KCNT2: variants seen among roughly 807,000 people sequenced by gnomAD.
KCNT2 encodes potassium sodium-activated channel subfamily T member 2, also known as potassium channel subfamily T member 2.
In KCNT2, 67 loss-of-function variants were observed where a neutral mutation model predicts 153.8. The observed-to-expected ratio is 0.44, with a 90% CI of 0.36 to 0.53. The LOEUF is 0.53. Ranked by LOEUF, KCNT2 falls within the 20% of genes least tolerant of loss-of-function variation. The probability of loss-of-function intolerance (pLI) is 0.00; values close to 1 mark genes in which losing one functional copy is unlikely to be tolerated. For missense variants in KCNT2, 975 were observed against 1,354.8 expected (o/e 0.72, Z 4.40); for synonymous variants, 500 against 458.8 (o/e 1.09, Z -1.15).
intron 1 of KCNT2, among the ~76,000 whole-genome samples, chr1:196,518,249 T>G (rs115572710): frequency 6.6e-6 from 1 of 152,134 alleles, no homozygotes; most frequent in African/African-American, 2.4e-5. Flanking sequence ...CACCTTAGAA[T>G]AGACATCGAA....
intron 12 of KCNT2, among the ~76,000 whole-genome samples, chr1:196,419,941 T>C (rs1673064708): frequency 2.6e-5 from 4 of 152,040 alleles, no homozygotes; most frequent in Admixed American, 2.0e-4. Context: ...GTGTGGAAAA[T>C]TTGGGCGTAT....
chr1:196,427,166 A>G (rs1282303365), intron 10 of KCNT2, among the ~76,000 whole-genome samples: 1 of 152,054 alleles, frequency 6.6e-6, no homozygotes, highest in Non-Finnish European at 1.5e-5. Context: ...ACAAGTATGG[A>G]GTTGCTATTA....
chr1:196,414,094 A>T (rs1309995687), intron 12 of KCNT2, among the ~76,000 whole-genome samples: 1 of 151,738 alleles, frequency 6.6e-6, no homozygotes, highest in Admixed American at 6.6e-5. Context: ...TATAAAAAAA[A>T]GTTTCATAAT....
intron 26 of KCNT2, among the ~76,000 whole-genome samples, chr1:196,249,217 A>G (rs554129281): frequency 1.3e-5 from 2 of 152,284 alleles, no homozygotes; most frequent in South Asian, 4.1e-4. Context: ...GAAAAACTGA[A>G]AGCCTTTTCT....
intron 1 of KCNT2, among the ~76,000 whole-genome samples, chr1:196,519,986 G>T (rs1486324802): frequency 6.6e-6 from 1 of 151,962 alleles, no homozygotes; most frequent in Non-Finnish European, 1.5e-5. Context: ...ACCTGGCAGA[G>T]GCACAACAAC....
intron 14 of KCNT2, among the ~76,000 whole-genome samples, chr1:196,349,572 C>T (rs186570062): frequency 9.4e-4 from 143 of 152,268 alleles, no homozygotes; most frequent in African/African-American, 3.1e-3. Context: ...CTGCATTCCA[C>T]TCTTCCTTAT....
intron 10 of KCNT2, among the ~76,000 whole-genome samples, chr1:196,427,153 A>G (rs1254321565): frequency 1.3e-5 from 2 of 152,054 alleles, no homozygotes; most frequent in African/African-American, 4.8e-5. Flanking sequence ...AATAATTAAA[A>G]AAACAAGTAT....
At chr1:196,250,021 T>C (rs1346085201) in intron 26 of KCNT2, among the ~76,000 whole-genome samples, 1 of 152,118 alleles carries the variant, frequency 6.6e-6, no homozygotes, top group Non-Finnish European at 1.5e-5. Flanking sequence ...ATGCCCATAC[T>C]ATCCAAAACA....
rs936612940 is a variant in KCNT2, at chr1:196,336,662, C to T, written c.1784-2602G>A. 1.2e-4 allele frequency among the ~76,000 whole-genome samples: 18 copies of T among 152,276 alleles called. 1 individual carries two copies. The highest frequency in any genetic ancestry group is 6.8e-3 in the Middle Eastern group (2 of 294). ...CAAACGTAGTCCAATCTAGCATTGT[C>T]CACCACCACTCCATTGAAACAGCTC... On this transcript the variant is annotated intron_variant, in intron 16 of 27. Transcript: ENST00000294725.
intron 14 of KCNT2, among the ~76,000 whole-genome samples, chr1:196,352,367 T>C (rs1009334225): frequency 1.2e-4 from 19 of 152,080 alleles, no homozygotes; most frequent in African/African-American, 4.1e-4. Context: ...CTATTGATTA[T>C]TGCCACAATT....
chr1:196,263,087 A>G (rs1657172237), intron 25 of KCNT2, among the ~76,000 whole-genome samples: 1 of 152,106 alleles, frequency 6.6e-6, no homozygotes, highest in Non-Finnish European at 1.5e-5. Flanking sequence ...AATTATTTTA[A>G]TCTTTGATTT....
intron 5 of KCNT2, among the ~76,000 whole-genome samples, chr1:196,478,711 A>G (rs149342824): frequency 6.6e-6 from 1 of 152,280 alleles, no homozygotes; most frequent in East Asian, 1.9e-4. Context: ...TCTTGACTGT[A>G]AACTCATTGA....
chr1:196,422,813 C>A (rs1214326863), intron 12 of KCNT2, among the ~76,000 whole-genome samples: 1 of 151,850 alleles, frequency 6.6e-6, no homozygotes, highest in Non-Finnish European at 1.5e-5. Context: ...ATATATGATT[C>A]ATTTTGATCA....
chr1:196,588,248 C>A (rs1306701555), intron 1 of KCNT2, among the ~76,000 whole-genome samples: 3 of 144,354 alleles, frequency 2.1e-5, no homozygotes, highest in Non-Finnish European at 3.1e-5. Context: ...TTCTGTAGCA[C>A]TGAATGTGAA....
chr1:196,296,580 T>C (rs1478180186), intron 22 of KCNT2, among the ~76,000 whole-genome samples: 1 of 152,068 alleles, frequency 6.6e-6, no homozygotes, highest in Non-Finnish European at 1.5e-5. Flanking sequence ...TCCAATTAGT[T>C]CAAGCTAAAT....
intron 8 of KCNT2, among the ~76,000 whole-genome samples, chr1:196,442,885 C>T (rs1675365618): frequency 6.6e-6 from 1 of 151,630 alleles, no homozygotes; most frequent in Non-Finnish European, 1.5e-5. Context: ...TTGTCTATCA[C>T]AAAGGTCATT....
intron 8 of KCNT2, 76 bp from the exon 9 acceptor site, chr1:196,429,833 G>T: frequency 9.6e-7 from 1 of 1,038,440 alleles, no homozygotes; most frequent in Non-Finnish European, 1.4e-6. Context: ...TCTTTTGAAA[G>T]CCAAAGCACA....
intron 13 of KCNT2, among the ~76,000 whole-genome samples, chr1:196,380,827 T>A (rs957074871): frequency 1.3e-5 from 2 of 152,230 alleles, no homozygotes; most frequent in Non-Finnish European, 2.9e-5. Flanking sequence ...TGAGAATAGA[T>A]AATGTCTTGC....
intron 8 of KCNT2, among the ~76,000 whole-genome samples, chr1:196,458,093 A>G (rs1490899083): frequency 1.3e-5 from 2 of 151,940 alleles, no homozygotes; most frequent in East Asian, 1.9e-4. Context: ...CCTACCTGCT[A>G]CAATGTCATA....
Sources: allele counts gnomAD v4.1 joint callset (sites outside exome capture counted in the v4.1 genomes callset), GRCh38; gene constraint gnomAD v4.1.1; transcripts MANE v1.5; gene names NCBI Gene and HGNC (gene_info 2026-07-23, HGNC 2026-07-21).